SACM1L: variants seen among roughly 807,000 people sequenced by gnomAD.
SACM1L encodes the protein SAC1 like phosphatidylinositide phosphatase.
SACM1L carries 32 observed loss-of-function variants against 89.5 expected under a neutral mutation model. The observed-to-expected ratio is 0.36, with a 90% CI of 0.27 to 0.48. The LOEUF (loss-of-function observed/expected upper bound fraction) is 0.48. SACM1L is among the 20% of genes least tolerant of loss of function. The pLI is 0.99. For missense variants in SACM1L, 543 were observed against 708.5 expected (o/e 0.77, Z 2.65); for synonymous variants, 213 against 232.8 (o/e 0.92, Z 0.77).
At chr3:45,727,516 G>C (rs1698949975) in intron 11 of SACM1L, among the ~76,000 whole-genome samples, 1 of 152,112 alleles carries the variant, frequency 6.6e-6, no homozygotes, top group Non-Finnish European at 1.5e-5. Flanking sequence ...GGTCTGATTG[G>C]TTTATGATGG....
At chr3:45,728,226 T>C (rs1255767418) in intron 11 of SACM1L, among the ~76,000 whole-genome samples, 1 of 152,224 alleles carries the variant, frequency 6.6e-6, no homozygotes, top group East Asian at 1.9e-4. Context: ...TAGATCATAT[T>C]TTTTTCCATT....
intron 1 of SACM1L, among the ~76,000 whole-genome samples, chr3:45,696,786 A>G (rs1418613343): frequency 6.6e-6 from 1 of 152,206 alleles, no homozygotes; most frequent in Non-Finnish European, 1.5e-5. Context: ...ATAAGACGTG[A>G]ATGTTACATG....
In SACM1L at chr3:45,693,444, A is replaced by G. The variant is rs554832526; in HGVS notation, c.32+3947A>G. On this transcript the variant is annotated intron_variant, in intron 1 of 19. Coordinates refer to ENST00000389061, the MANE Select transcript of SACM1L (RefSeq NM_014016.5). ...CACAGTCTAGGGTAATTTGGAATGT[A>G]TCGTTTTGAAGAAACACAGCTTAAA... 2.6e-5 allele frequency among the ~76,000 whole-genome samples: 4 copies of G among 152,348 alleles called. 1 individual carries two copies. In the South Asian group the frequency reaches 8.3e-4, roughly 32 times the overall value.
intron 4 of SACM1L, 116 bp downstream of exon 4, chr3:45,707,023 T>C: frequency 2.2e-6 from 2 of 917,328 alleles, no homozygotes; most frequent in Non-Finnish European, 3.3e-6. Flanking sequence ...TAACAACCTA[T>C]AGAGTAAGAT....
chr3:45,691,399 T>C (rs1210664909), intron 1 of SACM1L, among the ~76,000 whole-genome samples: 1 of 152,216 alleles, frequency 6.6e-6, no homozygotes, highest in African/African-American at 2.4e-5. Context: ...CAAATGTGGC[T>C]CCTGCCCTAA....
chr3:45,718,660 T>G (rs1446291713), intron 7 of SACM1L, among the ~76,000 whole-genome samples: 1 of 152,212 alleles, frequency 6.6e-6, no homozygotes, highest in African/African-American at 2.4e-5. Flanking sequence ...AAATGGGTAT[T>G]TAACTATTGT....
chr3:45,719,305 G>A (rs187842115), intron 7 of SACM1L, among the ~76,000 whole-genome samples, 195 bp from the exon 8 acceptor site: 2 of 152,174 alleles, frequency 1.3e-5, no homozygotes, highest in Admixed American at 1.3e-4. Context: ...TACTACCTTC[G>A]TGTCATAGGG....
chr3:45,707,892 A>C (rs1488218983), intron 4 of SACM1L, among the ~76,000 whole-genome samples: 1 of 152,120 alleles, frequency 6.6e-6, no homozygotes, highest in African/African-American at 2.4e-5. Context: ...TCTCTTGATA[A>C]ATTTTTTTAC....
At position 45,737,856 on chromosome 3, in the gene SACM1L, T is replaced by G; in HGVS notation, c.1382+12T>G. The G allele has an allele frequency of 1.2e-6, 2 of 1,608,962 alleles. No individual in the cohort carries two copies. Among genetic ancestry groups the G allele is most frequent in the Non-Finnish European group, 1.7e-6 (2 of 1,175,486 alleles). On this transcript the variant is annotated intron_variant, in intron 16 of 19. Transcript: ENST00000389061. The stretch of plus-strand genomic sequence containing the variant: ...ACTGACTTTACCAGGCAAGCCATGC[T>G]TTTAAAATAGCATTCCACATCAGTA...
chr3:45,690,690 C>T (rs886629004), intron 1 of SACM1L, among the ~76,000 whole-genome samples: 4 of 152,178 alleles, frequency 2.6e-5, no homozygotes, highest in Admixed American at 1.3e-4. Flanking sequence ...CTGTAATGTT[C>T]TTTGAAAACC....
chr3:45,698,528 T>C (rs1698182509), intron 1 of SACM1L, among the ~76,000 whole-genome samples: 1 of 152,290 alleles, frequency 6.6e-6, no homozygotes, highest in Admixed American at 6.5e-5. Flanking sequence ...GATCCATAAT[T>C]ACTCTTATTT....
At chr3:45,725,442 T>TTTTG (rs776406423) in intron 11 of SACM1L, among the ~76,000 whole-genome samples, 1 of 152,162 alleles carries the variant, frequency 6.6e-6, no homozygotes, top group Non-Finnish European at 1.5e-5. Context: ...AATGGTGTTT[T>TTTTG]TTTGTTTGTT....
At chr3:45,700,873 T>C (rs1698249698) in intron 1 of SACM1L, among the ~76,000 whole-genome samples, 1 of 152,226 alleles carries the variant, frequency 6.6e-6, no homozygotes, top group South Asian at 2.1e-4. Context: ...GGTTTCACCA[T>C]GTTGGCCAGG....
intron 4 of SACM1L, 145 bp from the exon 5 acceptor site, chr3:45,709,353 T>G: frequency 3.1e-6 from 2 of 637,324 alleles, no homozygotes; most frequent in Non-Finnish European, 2.6e-6. Context: ...CCCAGGGAAA[T>G]GGCGAGCATC....
At chr3:45,732,990 A>G (rs953925105) in intron 13 of SACM1L, among the ~76,000 whole-genome samples, 3 of 152,216 alleles carry the variant, frequency 2.0e-5, no homozygotes, top group African/African-American at 7.2e-5. Context: ...AGTTATTTAA[A>G]TCTGCTTTTT....
At chr3:45,709,442 C>T (rs1698471887) in intron 4 of SACM1L, 56 bp from the exon 5 acceptor site, 4 of 1,446,394 alleles carry the variant, frequency 2.8e-6, no homozygotes, top group Non-Finnish European at 3.8e-6. Context: ...ATTCTTTTCT[C>T]ATGCTGGCAG....
intron 1 of SACM1L, among the ~76,000 whole-genome samples, chr3:45,696,807 G>A (rs1698138470): frequency 1.3e-5 from 2 of 152,000 alleles, no homozygotes; most frequent in South Asian, 4.1e-4. Flanking sequence ...AGAGATAAAT[G>A]TTTTCAGACA....
chr3:45,722,186 C>G (rs1330653914), intron 9 of SACM1L, 101 bp downstream of exon 9: 4 of 728,946 alleles, frequency 5.5e-6, no homozygotes, highest in Non-Finnish European at 9.0e-6. Flanking sequence ...CTTCTCTGTT[C>G]TTATGTAATA....
intron 11 of SACM1L, among the ~76,000 whole-genome samples, chr3:45,727,740 C>A (rs181640542): frequency 3.9e-5 from 6 of 152,118 alleles, no homozygotes; most frequent in African/African-American, 1.4e-4. Flanking sequence ...GGACTACAGG[C>A]GCCCACCACC....
Sources: gnomAD v4.1 joint callset for allele counts (sites outside exome capture counted in the v4.1 genomes callset) on GRCh38, gnomAD v4.1.1 for gene constraint, MANE v1.5 for transcripts, NCBI Gene and HGNC (gene_info 2026-07-23, HGNC 2026-07-21) for gene names.